The following SAMD10 variants were observed in gnomAD, a reference collection of about 807,000 sequenced individuals.
SAMD10 encodes the protein sterile alpha motif domain-containing protein 10.
Under a neutral mutation model 22.5 loss-of-function variants are expected in SAMD10, and 16 were observed. The observed-to-expected ratio is 0.71, with a 90% CI of 0.48 to 1.08. SAMD10 has a LOEUF of 1.08. SAMD10 is among the 50% of genes least tolerant of loss of function. The pLI is 0.00. For missense variants in SAMD10, 227 were observed against 281.3 expected (o/e 0.81, Z 1.38); for synonymous variants, 118 against 122.2 (o/e 0.97, Z 0.23).
chr20:63,977,280 G>A lies in SAMD10; in HGVS notation c.218C>T (p.Ala73Val), dbSNP rs141270727. 202 of 1,613,384 alleles carry A rather than the reference G, an allele frequency of 1.3e-4. No homozygotes were observed. Among genetic ancestry groups the A allele is most frequent in the Middle Eastern group, 3.7e-4 (2 of 5,452 alleles). Residue 73 changes from alanine (A) to valine (V), a missense_variant, in exon 2 of 5, where the codon GCG becomes GTG. Transcript: ENST00000369886. The surrounding 1 kb of genome is among the most constrained non-coding windows in gnomAD (Gnocchi z 5.4). Reference protein sequence around the residue: ...LTWHDSRSQRAASSRPIKLLQ... With the variant: ...LTWHDSRSQRVASSRPIKLLQ... ...GAGCTTGATTGGCCTGCTGCTGGCC[G>A]CCCTCTGGCTGCGGGAGTCATGCCA...
Position 63,977,543 on chromosome 20 carries a change from C to T in SAMD10, c.92-137G>A. The T allele has an allele frequency of 1.2e-6, 1 of 863,854 alleles. No individual in the cohort carries two copies. Among genetic ancestry groups the T allele is most frequent in the South Asian group, 1.7e-5 (1 of 59,946 alleles). The allele number at this position is 863,854 out of a possible 1,614,324, so 53.5% of individuals were successfully genotyped here. On this transcript the variant is annotated intron_variant, in intron 1 of 4. Coordinates refer to ENST00000369886, the MANE Select transcript of SAMD10 (RefSeq NM_080621.5). The surrounding 1 kb of genome is among the most constrained non-coding windows in gnomAD (Gnocchi z 5.4). ...CCCCAATGAGGGGTTCCCAAGCCTC[C>T]AAAGGCAGAAGGAAGTGTGCAGGAC...
intron 3 of SAMD10, 129 bp downstream of exon 3, chr20:63,976,842 G>A (rs2059026650): frequency 2.7e-6 from 2 of 739,700 alleles, no homozygotes; most frequent in South Asian, 1.7e-5. Flanking sequence ...AAGAACAGAG[G>A]GGAGGTTGAT....
Position 63,979,409 on chromosome 20 carries a change from C to A in SAMD10, c.59G>T (p.Arg20Leu). Residue 20 changes from arginine (R) to leucine (L), a missense_variant, in exon 1 of 5, where the codon CGC (arginine) becomes CTC (leucine). Physicochemically the swap from Arg to Leu is moderately radical, Grantham distance 102. Transcript: ENST00000369886. This position sits in a 1 kb window ranked among gnomAD's most constrained non-coding sequence, Gnocchi z 7.7. ...ATCCCGGCGCTCCCCGAAGCCCGCGCGCACGGCCCCGGCGCGGCCACGCGG... is the reference window on the plus strand; with the variant it reads ...ATCCCGGCGCTCCCCGAAGCCCGCGAGCACGGCCCCGGCGCGGCCACGCGG... ...SPPRGRAGAV[R>L]AGFGERRDVD... 6.7e-7 allele frequency: 1 copy of A among 1,487,182 alleles called. No homozygotes were observed. Among genetic ancestry groups the A allele is most frequent in the Non-Finnish European group, 8.9e-7 (1 of 1,125,026 alleles). 92.1% of individuals were successfully genotyped at this position (1,487,182 alleles called of 1,614,324 possible). A position where few individuals can be genotyped will look rare whatever the true frequency, so the allele number is the denominator to read the frequency against.
chr20:63,979,572 G>A lies in SAMD10; in HGVS notation c.-105C>T, dbSNP rs1157372374. ...CCGCCGCCCCGCCCCGCCCCAGCCG[G>A]CCCCGCGCCCGAGCCGGTCCCCGCG... On this transcript the variant is annotated 5_prime_UTR_variant, in exon 1 of 5. Transcript: ENST00000369886. The surrounding 1 kb of genome is among the most constrained non-coding windows in gnomAD (Gnocchi z 7.7). The A allele has an allele frequency of 2.0e-6, 2 of 984,782 alleles. No individual in the cohort carries two copies. The highest frequency in any genetic ancestry group is 6.3e-5 in the Admixed American group (1 of 15,984). 61.0% of individuals were successfully genotyped at this position (984,782 alleles called of 1,614,324 possible). A position where few individuals can be genotyped will look rare whatever the true frequency, so the allele number is the denominator to read the frequency against.
intron 3 of SAMD10, 111 bp from the exon 4 acceptor site, chr20:63,975,943 C>A: frequency 8.2e-7 from 1 of 1,215,158 alleles, no homozygotes; most frequent in Non-Finnish European, 1.1e-6. Context: ...GAGGCCGAGG[C>A]GGGCAGATCA....
intron 3 of SAMD10, among the ~76,000 whole-genome samples, chr20:63,976,528 T>C (rs148164562): frequency 0.012 from 1,753 of 151,890 alleles, 43 homozygotes; most frequent in African/African-American, 0.038. Flanking sequence ...TTTGGGAGGC[T>C]GAGGCAGGCG....
chr20:63,978,546 G>A (rs1473031155), intron 1 of SAMD10, among the ~76,000 whole-genome samples: 3 of 152,186 alleles, frequency 2.0e-5, no homozygotes, highest in African/African-American at 4.8e-5. Context: ...GGTTGGGGAT[G>A]TGTCTAGGAG....
chr20:63,979,421 G>GC lies in SAMD10; in HGVS notation c.46dup (p.Ala16GlyfsTer34), dbSNP rs777712918. 6.8e-7 allele frequency: 1 copy of GC among 1,480,600 alleles called. No homozygotes were observed. Among genetic ancestry groups the GC allele is most frequent in the South Asian group, 1.3e-5 (1 of 78,748 alleles). The allele number at this position is 1,480,600 out of a possible 1,614,324, so 91.7% of individuals were successfully genotyped here. ...CCCGAAGCCCGCGCGCACGGCCCCG[G>GC]CGCGGCCACGCGGGGGGCTCAGCTT... On this transcript the variant is annotated frameshift_variant, in exon 1 of 5. Coordinates refer to ENST00000369886, the MANE Select transcript of SAMD10 (RefSeq NM_080621.5). LOFTEE classifies it high-confidence loss of function. The surrounding 1 kb of genome is among the most constrained non-coding windows in gnomAD (Gnocchi z 7.7).
rs1569206412 is a variant in SAMD10, at chr20:63,977,116, G to C, written c.300C>G (p.Gly100=). Residue 100 remains glycine, a synonymous_variant, in exon 3 of 5, where the codon GGC becomes GGG. Transcript: ENST00000369886. This position sits in a 1 kb window ranked among gnomAD's most constrained non-coding sequence, Gnocchi z 5.4. The part of the protein sequence containing the change: ...PQGRLYSDHY[G]LYHTSPSLGG... ...CCAGCGAGGGGCTTGTATGGTACAGGCCATAGTGGTCAGAGTACAGCCGGC... is the reference window on the plus strand; with the variant it reads ...CCAGCGAGGGGCTTGTATGGTACAGCCCATAGTGGTCAGAGTACAGCCGGC... 1 of 1,614,106 alleles carries C rather than the reference G, an allele frequency of 6.2e-7. No individual in the cohort carries two copies. The highest frequency in any genetic ancestry group is 1.7e-5 in the Admixed American group (1 of 60,028).
chr20:63,975,337 G>T lies in SAMD10; in HGVS notation c.*173C>A. On this transcript the variant is annotated 3_prime_UTR_variant, in exon 5 of 5. Transcript: ENST00000369886. ...CCAGCCCCAGGGCACGACCTGGAATGTCCAACCAGAGGCGCCTGGAGGTGT... is the reference window on the plus strand; with the variant it reads ...CCAGCCCCAGGGCACGACCTGGAATTTCCAACCAGAGGCGCCTGGAGGTGT... 9 of 705,570 alleles carry T rather than the reference G, an allele frequency of 1.3e-5. No individual in the cohort carries two copies. The highest frequency in any genetic ancestry group is 2.1e-5 in the Non-Finnish European group (9 of 430,508). The allele number at this position is 705,570 out of a possible 1,614,324, so 43.7% of individuals were successfully genotyped here.
Position 63,975,221 on chromosome 20 carries a change from C to T in SAMD10, c.*289G>A. The T allele has an allele frequency of 2.0e-6, 1 of 502,578 alleles. No homozygotes were observed. Among genetic ancestry groups the T allele is most frequent in the Non-Finnish European group, 3.5e-6 (1 of 286,132 alleles). 31.1% of individuals were successfully genotyped at this position (502,578 alleles called of 1,614,324 possible). A position where few individuals can be genotyped will look rare whatever the true frequency, so the allele number is the denominator to read the frequency against. On this transcript the variant is annotated 3_prime_UTR_variant, in exon 5 of 5. Transcript: ENST00000369886. Reference sequence around the variant, plus strand: ...CATCCAAACCGGTTCTGGCTCCAGGCAGCTGCCCCACATGCTGCCAGCTGC... The same window carrying T: ...CATCCAAACCGGTTCTGGCTCCAGGTAGCTGCCCCACATGCTGCCAGCTGC...
rs772770269 is a variant in SAMD10, at chr20:63,977,153, G to A, written c.274-11C>T. ...AGAGTACAGCCGGCCCTGCAGGGGA[G>A]GGGCGTGGCAGGCAGAGTGAGAGTG... On this transcript the variant is annotated splice_polypyrimidine_tract_variant and intron_variant, in intron 2 of 4. Coordinates refer to ENST00000369886, the MANE Select transcript of SAMD10 (RefSeq NM_080621.5). This position sits in a 1 kb window ranked among gnomAD's most constrained non-coding sequence, Gnocchi z 5.4. 6.2e-7 allele frequency: 1 copy of A among 1,613,068 alleles called. No homozygotes were observed. Among genetic ancestry groups the A allele is most frequent in the African/African-American group, 1.3e-5 (1 of 74,888 alleles).
Position 63,977,767 on chromosome 20 carries a change from C to T in SAMD10, c.92-361G>A, listed in dbSNP as rs1347909888. Among the ~76,000 whole-genome samples the T allele has an allele frequency of 6.6e-6, 1 of 152,248 alleles. No individual in the cohort carries two copies. The highest frequency in any genetic ancestry group is 1.5e-5 in the Non-Finnish European group (1 of 68,040). On this transcript the variant is annotated intron_variant, in intron 1 of 4. Transcript: ENST00000369886. The surrounding 1 kb of genome is among the most constrained non-coding windows in gnomAD (Gnocchi z 5.4). The stretch of plus-strand genomic sequence containing the variant: ...GACCTCACCCTTGCCTTGGGCTGGC[C>T]CACAAGTCTTGCACACACCACACCA...
At chr20:63,976,806 T>G (rs1480467256) in intron 3 of SAMD10, among the ~76,000 whole-genome samples, 165 bp downstream of exon 3, 2 of 124,046 alleles carry the variant, frequency 1.6e-5, no homozygotes, top group African/African-American at 3.1e-5. Flanking sequence ...GGCAGAGAGA[T>G]AGAAAAGACA....
chr20:63,978,859 C>G (rs1018045560), intron 1 of SAMD10, among the ~76,000 whole-genome samples: 1 of 152,180 alleles, frequency 6.6e-6, no homozygotes, highest in African/African-American at 2.4e-5. Context: ...CGCGGCAGTC[C>G]GGGGAAACCC....
chr20:63,977,088 C>A lies in SAMD10; in HGVS notation c.328G>T (p.Gly110Cys), dbSNP rs1362565760. 1 of 1,613,988 alleles carries A rather than the reference C, an allele frequency of 6.2e-7. No homozygotes were observed. The highest frequency in any genetic ancestry group is 8.5e-7 in the Non-Finnish European group (1 of 1,180,042). ...GLYHTSPSLG[G>C]LTRPVVLWSQ... Reference sequence around the variant, plus strand: ...CACAGGACCACGGGCCGGGTCAGGCCACCCAGCGAGGGGCTTGTATGGTAC... The same window carrying A: ...CACAGGACCACGGGCCGGGTCAGGCAACCCAGCGAGGGGCTTGTATGGTAC... The change falls in exon 3 of 5, where the codon GGC becomes TGC. Residue 110 changes from glycine to cysteine, a missense_variant. Physicochemically the swap from Gly to Cys is radical, Grantham distance 159 (BLOSUM62 -3). Coordinates refer to ENST00000369886, the MANE Select transcript of SAMD10 (RefSeq NM_080621.5). This position sits in a 1 kb window ranked among gnomAD's most constrained non-coding sequence, Gnocchi z 5.4.
chr20:63,978,393 G>T, intron 1 of SAMD10: 1 of 1,014,694 alleles, frequency 9.9e-7, no homozygotes, highest in Non-Finnish European at 1.4e-6. Context: ...GCACAGGCCT[G>T]CCCCTGTCTT....
chr20:63,976,764 C>CAAAAAAAA (rs60461303), intron 3 of SAMD10, among the ~76,000 whole-genome samples: 21 of 63,898 alleles, frequency 3.3e-4, no homozygotes, highest in African/African-American at 1.3e-3. Flanking sequence ...TCTGTCTCAC[C>CAAAAAAAA]AAAAAAAAAA....
At position 63,975,960 on chromosome 20, in the gene SAMD10, G is replaced by T. The variant is rs145116122; in HGVS notation, c.446-128C>A. The T allele has an allele frequency of 3.6e-4, 359 of 1,003,900 alleles. No homozygotes were observed. The African/African-American group carries it at 5.2e-3, about 14-fold the overall frequency. The allele number at this position is 1,003,900 out of a possible 1,614,324, so 62.2% of individuals were successfully genotyped here. A position where few individuals can be genotyped will look rare whatever the true frequency, so the allele number is the denominator to read the frequency against. On this transcript the variant is annotated intron_variant, in intron 3 of 4. Transcript: ENST00000369886. The stretch of plus-strand genomic sequence containing the variant: ...GGCCGAGGCGGGCAGATCACTTGAG[G>T]TCAGGAGTTCAAGACCAGCCTGGAC...
Sources: gnomAD v4.1 joint callset for allele counts (sites outside exome capture counted in the v4.1 genomes callset) on GRCh38, gnomAD v4.1.1 for gene constraint, Gnocchi (gnomAD v3.1) non-coding constraint, MANE v1.5 for transcripts, NCBI Gene and HGNC (gene_info 2026-07-23, HGNC 2026-07-21) for gene names.